Variants in STK3 observed in about 807,000 individuals in gnomAD.
The protein encoded by STK3 is serine/threonine-protein kinase 3.
STK3 carries 41 observed loss-of-function variants against 58.0 expected under a neutral mutation model. The ratio of observed to expected loss-of-function variants is 0.71; its 90% CI spans 0.55 to 0.92. The LOEUF (loss-of-function observed/expected upper bound fraction) is 0.92, where lower values mean the gene tolerates loss of function less well. Among genes scored for constraint, STK3 ranks in the 40% least tolerant of loss-of-function variants. The pLI, the probability that STK3 is intolerant of heterozygous loss-of-function variation, is 0.00. For missense variants in STK3, 479 were observed against 602.7 expected, an observed-to-expected ratio of 0.79 and a Z score of 2.15; for synonymous variants, 170 against 191.0, an observed-to-expected ratio of 0.89 and a Z score of 0.91.
chr8:98,779,159 A>G (rs1831924128), intron 1 of STK3, among the ~76,000 whole-genome samples: 1 of 152,036 alleles, frequency 6.6e-6, no homozygotes. Context: ...AAAACCACAC[A>G]GTGTATAATA....
At chr8:98,820,520 T>C (rs1314428172) in intron 1 of STK3, among the ~76,000 whole-genome samples, 1 of 152,200 alleles carries the variant, frequency 6.6e-6, no homozygotes, top group African/African-American at 2.4e-5. Flanking sequence ...AAGTATTAAA[T>C]ATATTTTCAT....
chr8:98,911,449 A>G (rs1334750428), intron 1 of STK3, among the ~76,000 whole-genome samples: 1 of 152,170 alleles, frequency 6.6e-6, no homozygotes, highest in African/African-American at 2.4e-5. Context: ...GCTATAGTGC[A>G]GTGGCATGAT....
Position 98,548,012 on chromosome 8 carries a change from C to A in STK3, c.1098G>T (p.Val366=). 6.2e-7 allele frequency: 1 copy of A among 1,608,668 alleles called. No homozygotes were observed. Among genetic ancestry groups the A allele is most frequent in the Non-Finnish European group, 8.5e-7 (1 of 1,177,690 alleles). ...CTTCTTCCTCATCCTCACTGTTTAT[C>A]ACCATGGTCCCCAAGTCGGATTCCA... ...TMLESDLGTM[V]INSEDEEEED... is the part of the protein sequence containing the mutation. The change falls in exon 9 of 11, where the codon GTG becomes GTT. Residue 366 remains valine (V), a synonymous_variant. Coordinates refer to ENST00000419617, the MANE Select transcript of STK3 (RefSeq NM_006281.4).
At chr8:98,385,111 G>A (rs372911826) in intron 1 of STK3, among the ~76,000 whole-genome samples, 4 of 152,124 alleles carry the variant, frequency 2.6e-5, no homozygotes, top group African/African-American at 7.2e-5. Context: ...TTCCCCAGGA[G>A]AGAAATATTT....
At chr8:98,657,365 A>C (rs993463867) in intron 6 of STK3, among the ~76,000 whole-genome samples, 5 of 152,144 alleles carry the variant, frequency 3.3e-5, no homozygotes, top group Non-Finnish European at 7.4e-5. Context: ...GTAAAACAGC[A>C]AATAAGTAGT....
At chr8:98,904,636 C>T in intron 1 of STK3, 2 of 617,634 alleles carry the variant, frequency 3.2e-6, no homozygotes, top group Non-Finnish European at 6.2e-6. Flanking sequence ...TATAGTGCTC[C>T]CGTTCATACC....
chr8:98,490,479 G>T (rs1401539539), intron 10 of STK3, among the ~76,000 whole-genome samples: 1 of 152,028 alleles, frequency 6.6e-6, no homozygotes, highest in East Asian at 1.9e-4. Flanking sequence ...TACTTCTTAG[G>T]ACATTTTCCT....
At chr8:98,430,247 T>C (rs1818308906) in intron 3 of STK3, 1 of 167,036 alleles carries the variant, frequency 6.0e-6, no homozygotes, top group South Asian at 2.1e-4. Context: ...AGCCTCCTTG[T>C]TTCCTAGGGT....
At chr8:98,579,164 T>C (rs1013024008) in intron 8 of STK3, among the ~76,000 whole-genome samples, 1 of 152,026 alleles carries the variant, frequency 6.6e-6, no homozygotes, top group African/African-American at 2.4e-5. Flanking sequence ...AAAAAAAGTA[T>C]TAGACACTAC....
intron 9 of STK3, 69 bp from the exon 10 acceptor site, chr8:98,526,986 T>C (rs1326467871): frequency 4.6e-6 from 6 of 1,296,058 alleles, no homozygotes; most frequent in Non-Finnish European, 4.0e-6. Context: ...CTTTGAAGTA[T>C]GATTTTTTTA....
chr8:98,564,301 C>T (rs146691521), intron 8 of STK3, among the ~76,000 whole-genome samples: 20 of 152,262 alleles, frequency 1.3e-4, no homozygotes, highest in African/African-American at 4.6e-4. Context: ...CTTTCTGTGC[C>T]TGGCTTATAT....
At chr8:98,937,546 C>G (rs1020976308) in intron 1 of STK3, among the ~76,000 whole-genome samples, 48 of 152,340 alleles carry the variant, frequency 3.2e-4, no homozygotes, top group Non-Finnish European at 6.0e-4. Context: ...GGGATCCAAC[C>G]TTAAAATTCC....
chr8:98,571,080 A>G (rs1192331490), intron 8 of STK3, among the ~76,000 whole-genome samples: 1 of 152,210 alleles, frequency 6.6e-6, no homozygotes, highest in Non-Finnish European at 1.5e-5. Flanking sequence ...CTGTAATCCC[A>G]GCACTTTGAG....
intron 6 of STK3, among the ~76,000 whole-genome samples, chr8:98,659,794 T>C (rs940369732): frequency 3.3e-5 from 5 of 151,860 alleles, no homozygotes; most frequent in African/African-American, 1.2e-4. Flanking sequence ...AAGTTAGCAA[T>C]ATAGCTGCAA....
intron 3 of STK3, among the ~76,000 whole-genome samples, chr8:98,415,313 A>T (rs1818102304): frequency 6.6e-6 from 1 of 152,232 alleles, no homozygotes; most frequent in African/African-American, 2.4e-5. Context: ...TTATAGCAGC[A>T]TAAATCAACT....
chr8:98,663,592 T>C (rs1822126681), intron 6 of STK3, among the ~76,000 whole-genome samples: 1 of 152,176 alleles, frequency 6.6e-6, no homozygotes, highest in South Asian at 2.1e-4. Context: ...TGCAGCACTA[T>C]TCACAATAGC....
chr8:98,416,664 G>A (rs1359058583), intron 3 of STK3, among the ~76,000 whole-genome samples: 4 of 152,096 alleles, frequency 2.6e-5, no homozygotes, highest in South Asian at 2.1e-4. Flanking sequence ...TAGAGCCTCC[G>A]TCATTTTAGC....
intron 6 of STK3, among the ~76,000 whole-genome samples, chr8:98,674,788 C>T (rs1823077886): frequency 6.6e-6 from 1 of 152,170 alleles, no homozygotes; most frequent in African/African-American, 2.4e-5. Context: ...TTCTTTGCCT[C>T]ACATATTTGT....
chr8:98,583,810 C>G (rs1362947406), intron 7 of STK3, among the ~76,000 whole-genome samples: 1 of 151,392 alleles, frequency 6.6e-6, no homozygotes, highest in South Asian at 2.1e-4. Flanking sequence ...AAAATAAGCT[C>G]AGGAAAATAA....
Sources: gnomAD v4.1 joint callset for allele counts (sites outside exome capture counted in the v4.1 genomes callset) on GRCh38, gnomAD v4.1.1 for gene constraint, MANE v1.5 for transcripts, NCBI Gene and HGNC (gene_info 2026-07-23, HGNC 2026-07-21) for gene names.